The following STK3 variants were observed in gnomAD, a reference collection of about 807,000 sequenced individuals.
STK3 encodes serine/threonine-protein kinase 3.
STK3 carries 41 observed loss-of-function variants against 58.0 expected under a neutral mutation model. That is an observed-to-expected ratio of 0.71 (90% CI 0.55 to 0.92). STK3 has a LOEUF of 0.92. Ranked by LOEUF, STK3 falls within the 40% of genes least tolerant of loss-of-function variation. STK3 has a pLI of 0.00. For missense variants in STK3, 479 were observed against 602.7 expected, an observed-to-expected ratio of 0.79 and a Z score of 2.15; for synonymous variants, 170 against 191.0, an observed-to-expected ratio of 0.89 and a Z score of 0.91.
At chr8:98,629,594 G>A (rs1387098328) in intron 6 of STK3, among the ~76,000 whole-genome samples, 2 of 152,136 alleles carry the variant, frequency 1.3e-5, no homozygotes, top group Admixed American at 1.3e-4. Flanking sequence ...AGGAAACAAA[G>A]ATAAAAACTA....
chr8:98,613,117 A>G (rs867305218), intron 6 of STK3, among the ~76,000 whole-genome samples: 5 of 152,310 alleles, frequency 3.3e-5, no homozygotes, highest in Middle Eastern at 3.4e-3. Flanking sequence ...ACTCAGCAAT[A>G]ATGAGGAGCC....
intron 1 of STK3, among the ~76,000 whole-genome samples, chr8:98,787,167 CAAAAAAAAAAAAAAA>C (rs35568354): frequency 4.4e-5 from 1 of 22,674 alleles, no homozygotes; most frequent in African/African-American, 1.9e-4. Flanking sequence ...GACTCCACCT[CAAAAAAAAAAAAAAA>C]AAAAAAAAAA....
At position 98,695,397 on chromosome 8, in the gene STK3, T is replaced by C. The variant is rs545097013; in HGVS notation, c.684+11070A>G. Among the ~76,000 whole-genome samples the C allele has an allele frequency of 7.2e-4, 109 of 152,234 alleles. 1 individual carries two copies. Among genetic ancestry groups the C allele is most frequent in the African/African-American group, 2.6e-3 (108 of 41,546 alleles). On this transcript the variant is annotated intron_variant, in intron 6 of 10. Transcript: ENST00000419617. The stretch of plus-strand genomic sequence containing the variant: ...TGGCTTTTGTTGCCATTGCTTTTGG[T>C]GTTTTAGACATGAAGTCCTTGCCCA...
chr8:98,464,427 A>T (rs1382267744), intron 10 of STK3, among the ~76,000 whole-genome samples: 1 of 152,008 alleles, frequency 6.6e-6, no homozygotes, highest in Non-Finnish European at 1.5e-5. Context: ...AACACAACAA[A>T]GCACTAGTAA....
rs1563702897 is a variant in STK3 at position 98,526,905 on chromosome 8, G to A, written c.1154C>T (p.Ser385Leu). 2 of 1,560,536 alleles carry A rather than the reference G, an allele frequency of 1.3e-6. No homozygotes were observed. The highest frequency in any genetic ancestry group is 1.7e-6 in the Non-Finnish European group (2 of 1,149,982). ...GAAAGATGGTCTTTGTACTTGTGGT[G>A]AGGTTGCATTTCCTTAGGTAAACAA... The part of the protein sequence containing the change: ...EDGTMKRNAT[S>L]PQVQRPSFMD... Residue 385 changes from serine to leucine, a missense_variant, in exon 10 of 11, where the codon TCA (serine) becomes TTA (leucine). This residue lies in a region of STK3 where 309 missense variants were observed against 355.7 expected (regional missense o/e 0.87). Transcript: ENST00000419617.
intron 6 of STK3, among the ~76,000 whole-genome samples, chr8:98,692,169 A>G (rs1386230542): frequency 1.3e-5 from 2 of 152,164 alleles, no homozygotes; most frequent in African/African-American, 4.8e-5. Flanking sequence ...ACTCTTGTAC[A>G]TTGGTGGTAG....
At chr8:98,897,365 G>A (rs1196649729) in intron 1 of STK3, among the ~76,000 whole-genome samples, 4 of 152,144 alleles carry the variant, frequency 2.6e-5, no homozygotes, top group African/African-American at 9.7e-5. Flanking sequence ...AGACCATCCT[G>A]GTTAACACGG....
At chr8:98,711,686 T>C (rs980360933) in intron 4 of STK3, among the ~76,000 whole-genome samples, 19 of 152,080 alleles carry the variant, frequency 1.2e-4, no homozygotes, top group African/African-American at 4.3e-4. Flanking sequence ...ATGGGGAGAA[T>C]GAAACCAAGT....
At chr8:98,592,731 T>G (rs1015938556) in intron 7 of STK3, among the ~76,000 whole-genome samples, 25 of 145,434 alleles carry the variant, frequency 1.7e-4, no homozygotes, top group Middle Eastern at 3.5e-3. Context: ...CTCACTGACT[T>G]ACTTTATTTA....
chr8:98,723,722 GC>G, intron 4 of STK3, among the ~76,000 whole-genome samples: 1 of 151,826 alleles, frequency 6.6e-6, no homozygotes, highest in East Asian at 1.9e-4. Flanking sequence ...TTAGACATAC[GC>G]CCCCCTTTTC....
In STK3 at chr8:98,562,823, G is replaced by A. The variant is rs186327736; in HGVS notation, c.949-14662C>T. ...GCTACTTGGGAGGTTGAGGCAGGAG[G>A]ATCGCTTCAGCCCAAAAGTTCAAGA... On this transcript the variant is annotated intron_variant, in intron 8 of 10. Transcript: ENST00000419617. Among the ~76,000 whole-genome samples the A allele has an allele frequency of 6.5e-3, 984 of 150,268 alleles. 8 individuals carry two copies. The highest frequency in any genetic ancestry group is 0.023 in the African/African-American group (924 of 40,784).
At chr8:98,477,926 C>G (rs1418689308) in intron 10 of STK3, among the ~76,000 whole-genome samples, 1 of 152,080 alleles carries the variant, frequency 6.6e-6, no homozygotes, top group African/African-American at 2.4e-5. Flanking sequence ...ATGCCAGTAG[C>G]TTTCCCCAAG....
chr8:98,489,369 G>T (rs1822522610), intron 10 of STK3, among the ~76,000 whole-genome samples: 1 of 152,034 alleles, frequency 6.6e-6, no homozygotes, highest in Non-Finnish European at 1.5e-5. Context: ...ATTGGTAAGA[G>T]CTCTCTTATA....
At chr8:98,441,824 T>C (rs1174287284) in intron 1 of STK3, among the ~76,000 whole-genome samples, 1 of 152,310 alleles carries the variant, frequency 6.6e-6, no homozygotes, top group East Asian at 1.9e-4. Flanking sequence ...GTTCCCTTTT[T>C]GTTTCCTCAC....
At chr8:98,426,834 C>T (rs1207949182) in intron 3 of STK3, among the ~76,000 whole-genome samples, 1 of 152,090 alleles carries the variant, frequency 6.6e-6, no homozygotes, top group Non-Finnish European at 1.5e-5. Flanking sequence ...CGGCCCCGCG[C>T]CGAGCCGGGG....
intron 9 of STK3, among the ~76,000 whole-genome samples, chr8:98,546,744 T>C (rs1810731847): frequency 6.6e-6 from 1 of 152,186 alleles, no homozygotes; most frequent in Middle Eastern, 3.4e-3. Flanking sequence ...AAATCCAAGA[T>C]GTAGGCTGCT....
rs145691361 is a variant in STK3, at chr8:98,558,023, G to T, written c.949-9862C>A. Among the ~76,000 whole-genome samples, 584 of 152,154 alleles carry T rather than the reference G, an allele frequency of 3.8e-3. 1 individual carries two copies. Among genetic ancestry groups the T allele is most frequent in the Non-Finnish European group, 6.2e-3 (421 of 67,988 alleles). On this transcript the variant is annotated intron_variant, in intron 8 of 10. Coordinates refer to ENST00000419617, the MANE Select transcript of STK3 (RefSeq NM_006281.4). ...CAAAAGATTACCTTACATCTCCTGT[G>T]CACAATACTAATATACAATAGAGTA...
intron 8 of STK3, among the ~76,000 whole-genome samples, chr8:98,552,797 C>T (rs763497324): frequency 2.0e-5 from 3 of 152,018 alleles, no homozygotes; most frequent in Non-Finnish European, 4.4e-5. Context: ...ACCTAGCATA[C>T]AGTAGGTACT....
At chr8:98,458,125 ACACACACACATGTG>A (rs1218387767) in intron 10 of STK3, among the ~76,000 whole-genome samples, 8 of 152,060 alleles carry the variant, frequency 5.3e-5, no homozygotes, top group Admixed American at 5.2e-4. Context: ...ACACACACAC[ACACACACACATGTG>A]CACACACACA....
Sources: gnomAD v4.1 joint callset for allele counts (sites outside exome capture counted in the v4.1 genomes callset) on GRCh38, gnomAD v4.1.1 for gene constraint, gnomAD v4.1.1 regional missense constraint, MANE v1.5 for transcripts, NCBI Gene and HGNC (gene_info 2026-07-23, HGNC 2026-07-21) for gene names.